Variants in NOL4 observed in about 807,000 individuals in gnomAD.
NOL4 encodes the protein nucleolar protein 4.
NOL4 carries 17 observed loss-of-function variants against 75.9 expected under a neutral mutation model. The ratio of observed to expected loss-of-function variants is 0.22; its 90% CI spans 0.15 to 0.34. The LOEUF (loss-of-function observed/expected upper bound fraction) is 0.34, where lower values mean the gene tolerates loss of function less well. NOL4 is among the 10% of genes least tolerant of loss of function. NOL4 has a pLI of 1.00. For missense variants in NOL4, 614 were observed against 793.5 expected (o/e 0.77, Z 2.72); for synonymous variants, 292 against 289.9 (o/e 1.01, Z -0.07).
chr18:33,942,121 G>GA (rs1396603513), intron 9 of NOL4, among the ~76,000 whole-genome samples: 3 of 151,784 alleles, frequency 2.0e-5, no homozygotes, highest in African/African-American at 4.8e-5. Context: ...AGCCTGAAAT[G>GA]AAAAAACGTT....
At chr18:34,189,062 C>G (rs546575261) in intron 1 of NOL4, among the ~76,000 whole-genome samples, 1 of 152,120 alleles carries the variant, frequency 6.6e-6, no homozygotes, top group Admixed American at 6.5e-5. Flanking sequence ...ATACCTGAGA[C>G]CAGGTAATTT....
At chr18:33,997,355 G>A (rs1449185836) in intron 6 of NOL4, among the ~76,000 whole-genome samples, 1 of 151,730 alleles carries the variant, frequency 6.6e-6, no homozygotes, top group African/African-American at 2.4e-5. Flanking sequence ...TTGCTTATTT[G>A]CATTCACATT....
intron 6 of NOL4, among the ~76,000 whole-genome samples, chr18:34,006,954 G>A (rs2074061908): frequency 6.6e-6 from 1 of 151,948 alleles, no homozygotes; most frequent in Non-Finnish European, 1.5e-5. Context: ...AGTGAAAATG[G>A]GAGTGGTATC....
intron 6 of NOL4, among the ~76,000 whole-genome samples, chr18:33,988,685 G>T (rs541700225): frequency 5.9e-5 from 9 of 151,964 alleles, no homozygotes; most frequent in Admixed American, 3.3e-4. Context: ...GCAGACACTT[G>T]TTTCCCGCCC....
Position 34,158,293 on chromosome 18 carries a change from T to G in NOL4, c.265-28273A>C, listed in dbSNP as rs55909038. Among the ~76,000 whole-genome samples, 1,168 of 152,284 alleles carry G rather than the reference T, an allele frequency of 7.7e-3. 14 individuals are homozygous for G. The highest frequency in any genetic ancestry group is 0.026 in the African/African-American group (1,073 of 41,556). On this transcript the variant is annotated intron_variant, in intron 1 of 10. Transcript: ENST00000261592. The stretch of plus-strand genomic sequence containing the variant: ...CAAGATCACAGATGCCTCCATTTGC[T>G]CTAATCAGGGAGAGTCTTTTTTACT...
At chr18:33,885,270 T>C (rs1278492640) in intron 9 of NOL4, among the ~76,000 whole-genome samples, 1 of 151,994 alleles carries the variant, frequency 6.6e-6, no homozygotes. Context: ...ATTTAAATCA[T>C]AGAAATCCCA....
chr18:33,943,045 A>C lies in NOL4; in HGVS notation c.1542+20T>G. ...ATTTGCTATAGCTGGTGTTCACCAG[A>C]CTTCAAGATGCCTCAGTACCTGCTG... is the stretch of plus-strand genomic sequence containing the variant. On this transcript the variant is annotated intron_variant, in intron 9 of 10. Coordinates refer to ENST00000261592, the MANE Select transcript of NOL4 (RefSeq NM_003787.5). 1 of 1,519,712 alleles carries C rather than the reference A, an allele frequency of 6.6e-7. No homozygotes were observed. The highest frequency in any genetic ancestry group is 9.1e-7 in the Non-Finnish European group (1 of 1,096,764). The allele number at this position is 1,519,712 out of a possible 1,614,324, so 94.1% of individuals were successfully genotyped here.
At chr18:34,011,983 T>C (rs978068801) in intron 6 of NOL4, among the ~76,000 whole-genome samples, 3 of 151,934 alleles carry the variant, frequency 2.0e-5, no homozygotes, top group Non-Finnish European at 4.4e-5. Flanking sequence ...GCATAAATTA[T>C]AGAAGCCCCT....
chr18:34,090,957 T>C (rs1006071938), intron 5 of NOL4, among the ~76,000 whole-genome samples: 1 of 152,048 alleles, frequency 6.6e-6, no homozygotes, highest in Non-Finnish European at 1.5e-5. Context: ...CCATCCAAAA[T>C]TGATATTGAA....
At chr18:33,859,093 G>T (rs2062970949) in intron 10 of NOL4, among the ~76,000 whole-genome samples, 1 of 151,666 alleles carries the variant, frequency 6.6e-6, no homozygotes, top group African/African-American at 2.4e-5. Flanking sequence ...CTTCCCTATT[G>T]CTTCTTTGAT....
rs761121162 is a variant in NOL4 at position 34,019,379 on chromosome 18, T to C, written c.995A>G (p.Tyr332Cys). 4.1e-5 allele frequency: 66 copies of C among 1,613,924 alleles called. No homozygotes were observed. The highest frequency in any genetic ancestry group is 5.3e-5 in the Non-Finnish European group (62 of 1,179,958). The change falls in exon 6 of 11, where the codon TAT (tyrosine) becomes TGT (cysteine). Residue 332 changes from tyrosine (Y) to cysteine (C), a missense_variant. This residue lies in a region of NOL4 where 196 missense variants were observed against 167.9 expected (regional missense o/e 1.17). Coordinates refer to ENST00000261592, the MANE Select transcript of NOL4 (RefSeq NM_003787.5). ...GAGGTCAGAAATTAGAAGATTCTTA[T>C]ACTTGTTTTTCCCATTACTGTTGTG... The part of the protein sequence containing the change: ...DDHNSNGKNK[Y>C]KNLLISDLKM...
At chr18:33,872,673 A>G (rs2063755386) in intron 10 of NOL4, among the ~76,000 whole-genome samples, 1 of 151,998 alleles carries the variant, frequency 6.6e-6, no homozygotes, top group Admixed American at 6.6e-5. Flanking sequence ...TTAAATCAGT[A>G]GGCTCTCACT....
chr18:34,218,941 A>G (rs2037104372), intron 1 of NOL4, among the ~76,000 whole-genome samples: 1 of 152,200 alleles, frequency 6.6e-6, no homozygotes, highest in African/African-American at 2.4e-5. Context: ...TTTCACTCTG[A>G]TGTAGCATAA....
chr18:33,868,134 C>G (rs564670346), intron 10 of NOL4, among the ~76,000 whole-genome samples: 2 of 151,160 alleles, frequency 1.3e-5, no homozygotes, highest in African/African-American at 4.9e-5. Flanking sequence ...ACCTCTAGAG[C>G]TCGAGTGATC....
At position 34,222,973 on chromosome 18, in the gene NOL4, G is replaced by C. The variant is rs532033987; in HGVS notation, c.264+17C>G. The C allele has an allele frequency of 1.2e-6, 2 of 1,602,226 alleles. No individual in the cohort carries two copies. Among genetic ancestry groups the C allele is most frequent in the Non-Finnish European group, 8.5e-7 (1 of 1,179,294 alleles). ...CTGCTCCGGCAGACAAATAACAGAGGAAGGCGAGTCACTCACCGTGGTCTT... is the reference window on the plus strand; with the variant it reads ...CTGCTCCGGCAGACAAATAACAGAGCAAGGCGAGTCACTCACCGTGGTCTT... On this transcript the variant is annotated intron_variant, in intron 1 of 10. Coordinates refer to ENST00000261592, the MANE Select transcript of NOL4 (RefSeq NM_003787.5).
At chr18:33,938,224 C>T (rs778552654) in intron 9 of NOL4, among the ~76,000 whole-genome samples, 10 of 152,050 alleles carry the variant, frequency 6.6e-5, no homozygotes, top group South Asian at 4.1e-4. Context: ...ATAATAATAT[C>T]CTTTCTCATG....
chr18:33,994,366 C>CA (rs1369571337), intron 6 of NOL4, among the ~76,000 whole-genome samples: 1 of 151,856 alleles, frequency 6.6e-6, no homozygotes, highest in East Asian at 1.9e-4. Context: ...GTATTCTTTT[C>CA]AAGTGCATGT....
intron 9 of NOL4, among the ~76,000 whole-genome samples, chr18:33,930,113 A>G (rs1215867482): frequency 6.6e-6 from 1 of 152,144 alleles, no homozygotes. Context: ...TATTATGTGC[A>G]CAATGAATTC....
At chr18:34,178,158 T>C (rs2033718767) in intron 1 of NOL4, among the ~76,000 whole-genome samples, 1 of 151,660 alleles carries the variant, frequency 6.6e-6, no homozygotes, top group Non-Finnish European at 1.5e-5. Context: ...TGATATTATG[T>C]TGGTATAAAT....
Sources: gnomAD v4.1 joint callset for allele counts (sites outside exome capture counted in the v4.1 genomes callset) on GRCh38, gnomAD v4.1.1 for gene constraint, gnomAD v4.1.1 regional missense constraint, MANE v1.5 for transcripts, NCBI Gene and HGNC (gene_info 2026-07-23, HGNC 2026-07-21) for gene names.